PER2: variants seen among roughly 807,000 people sequenced by gnomAD.
The protein encoded by PER2 is period circadian regulator 2, also known as period circadian protein homolog 2.
Under a neutral mutation model 121.0 loss-of-function variants are expected in PER2, and 66 were observed. The observed-to-expected ratio is 0.55, with a 90% CI of 0.45 to 0.67. The LOEUF is 0.67. PER2 is among the 30% of genes least tolerant of loss of function. PER2 has a pLI of 0.00. For synonymous variants in PER2, 684 were observed against 659.9 expected (o/e 1.04, Z -0.56); for missense variants, 1,521 against 1,635.0 (o/e 0.93, Z 1.20).
chr2:238,273,511 T>C (rs1219079074), intron 4 of PER2, among the ~76,000 whole-genome samples: 1 of 152,032 alleles, frequency 6.6e-6, no homozygotes. Flanking sequence ...TTTTTTTTTT[T>C]TGAGATGGAG....
At chr2:238,261,187 G>A (rs1247058668) in intron 12 of PER2, among the ~76,000 whole-genome samples, 9 of 152,264 alleles carry the variant, frequency 5.9e-5, no homozygotes, top group Non-Finnish European at 1.0e-4. Flanking sequence ...CGGCACCAAA[G>A]GAATGTGTCC....
upstream of PER2, among the ~76,000 whole-genome samples, chr2:238,290,960 C>G (rs1473361723): frequency 6.6e-6 from 1 of 152,180 alleles, no homozygotes; most frequent in Non-Finnish European, 1.5e-5. Context: ...CTTGCTGAAC[C>G]AAGATGGTGA....
chr2:238,255,907 C>A lies in PER2; in HGVS notation c.2070G>T (p.Met690Ile). 1 of 1,614,228 alleles carries A rather than the reference C, an allele frequency of 6.2e-7. No individual in the cohort carries two copies. ...CTGGCCCACTCGCAGCATCTTCCAC[C>A]ATCTCTGTAACACAAGAACCCAGGG... ...GDKKPQPELEMVEDAASGPES... is the reference protein window; with the variant it reads ...GDKKPQPELEIVEDAASGPES... Residue 690 changes from methionine (M) to isoleucine (I), a missense_variant, in exon 18 of 23, where the codon ATG becomes ATT. Physicochemically the swap from Met to Ile is conservative, Grantham distance 10. Transcript: ENST00000254657.
chr2:238,250,356 C>T (rs777769411), intron 21 of PER2, among the ~76,000 whole-genome samples, 195 bp downstream of exon 21: 1 of 152,278 alleles, frequency 6.6e-6, no homozygotes, highest in Non-Finnish European at 1.5e-5. Flanking sequence ...CCTGGCCACA[C>T]TGCAGGGCCA....
chr2:238,262,373 G>T, intron 10 of PER2, 29 bp from the exon 11 acceptor site: 1 of 1,611,964 alleles, frequency 6.2e-7, no homozygotes, highest in South Asian at 1.1e-5. Context: ...GCATTCAGGG[G>T]AAAAGGGGAG....
Position 238,248,978 on chromosome 2 carries a change from C to T in PER2, c.3618+84G>A, listed in dbSNP as rs770866717. ...CCTAATTTTAGAAGTTTTAAATTGA[C>T]AGAAAAGTTGCAAAGACAGTACAGA... On this transcript the variant is annotated intron_variant, in intron 22 of 22. Transcript: ENST00000254657. The T allele has an allele frequency of 4.2e-6, 6 of 1,442,806 alleles. No individual in the cohort carries two copies. In the Admixed American group the frequency reaches 6.7e-5, roughly 16 times the overall value. The allele number at this position is 1,442,806 out of a possible 1,614,324, so 89.4% of individuals were successfully genotyped here. A position where few individuals can be genotyped will look rare whatever the true frequency, so the allele number is the denominator to read the frequency against.
At chr2:238,276,030 C>A (rs1696444921) in intron 3 of PER2, 133 bp from the exon 4 acceptor site, 8 of 616,456 alleles carry the variant, frequency 1.3e-5, no homozygotes, top group Non-Finnish European at 2.3e-5. Context: ...TTGTGGGGCT[C>A]TGTAGATTTT....
intron 13 of PER2, 76 bp downstream of exon 13, chr2:238,260,749 GGTT>G (rs1267658249): frequency 1.4e-5 from 21 of 1,540,384 alleles, no homozygotes; most frequent in Non-Finnish European, 1.7e-5. Context: ...AACTGCCAAA[GGTT>G]GTCTTGAGTG....
the PER2 span, among the ~76,000 whole-genome samples, chr2:238,296,817 C>A: frequency 6.6e-6 from 1 of 152,240 alleles, no homozygotes; most frequent in Non-Finnish European, 1.5e-5. Context: ...TAAACCCAGG[C>A]ATCCCCACCA....
chr2:238,258,151 C>T, intron 16 of PER2, 125 bp downstream of exon 16: 2 of 1,092,188 alleles, frequency 1.8e-6, no homozygotes, highest in South Asian at 1.3e-5. Context: ...TTTTGAACTA[C>T]TTTCATCATT....
Position 238,252,369 on chromosome 2 carries a change from T to A in PER2, c.3111+543A>T, listed in dbSNP as rs1695628977. Among the ~76,000 whole-genome samples the A allele has an allele frequency of 6.6e-6, 1 of 152,234 alleles. No individual in the cohort carries two copies. The highest frequency in any genetic ancestry group is 6.5e-5 in the Admixed American group (1 of 15,288). On this transcript the variant is annotated intron_variant, in intron 19 of 22. Coordinates refer to ENST00000254657, the MANE Select transcript of PER2 (RefSeq NM_022817.3). This position sits in a 1 kb window ranked among gnomAD's most constrained non-coding sequence, Gnocchi z 4.2. ...CACTGCTGCTGGCGTTCCCACACAC[T>A]TGAGCTCGTTCAGAAACACAAGCGT...
chr2:238,262,135 A>G, intron 11 of PER2, 56 bp downstream of exon 11: 1 of 1,543,836 alleles, frequency 6.5e-7, no homozygotes, highest in Non-Finnish European at 8.9e-7. Context: ...AGGTGAGGAC[A>G]GCCCGAGACC....
At chr2:238,292,978 C>T (rs1213019963), upstream of PER2, among the ~76,000 whole-genome samples, 6 of 151,418 alleles carry the variant, frequency 4.0e-5, no homozygotes, top group Middle Eastern at 3.4e-3. Flanking sequence ...CCTCGTGATC[C>T]GCCCGCCTCG....
In PER2 at chr2:238,275,866, T is replaced by C; in HGVS notation, c.325A>G (p.Lys109Glu). ...SDQSSKVDTH[K>E]ELIKTLKELK... is the part of the protein sequence containing the mutation. ...TCCTTTAGTGTTTTTATCAGTTCTT[T>C]GTGTGTGTCCACTTTCGAAGACTGG... is the stretch of plus-strand genomic sequence containing the variant. The change falls in exon 4 of 23, where the codon AAA becomes GAA. Residue 109 changes from lysine (K) to glutamate (E), a missense_variant. Physicochemically the swap from Lys to Glu is moderately conservative, Grantham distance 56. Coordinates refer to ENST00000254657, the MANE Select transcript of PER2 (RefSeq NM_022817.3). The C allele has an allele frequency of 6.2e-7, 1 of 1,614,256 alleles. No individual in the cohort carries two copies. Among genetic ancestry groups the C allele is most frequent in the Non-Finnish European group, 8.5e-7 (1 of 1,180,032 alleles).
chr2:238,251,194 G>C (rs1488537604), intron 20 of PER2, among the ~76,000 whole-genome samples: 1 of 152,242 alleles, frequency 6.6e-6, no homozygotes, highest in Non-Finnish European at 1.5e-5. Context: ...TTTGTGGAGA[G>C]TGTGTACATT....
chr2:238,268,789 T>C lies in PER2; in HGVS notation c.824+134A>G. ...ATTTAAAATGTAACTGACTGTGTTT[T>C]CTGGTAGACTTCAGAAACAGGCGTG... On this transcript the variant is annotated intron_variant, in intron 7 of 22. Transcript: ENST00000254657. The surrounding 1 kb of genome is among the most constrained non-coding windows in gnomAD (Gnocchi z 4.0). 1.4e-6 allele frequency: 1 copy of C among 719,180 alleles called. No individual in the cohort carries two copies. The highest frequency in any genetic ancestry group is 2.5e-6 in the Non-Finnish European group (1 of 397,680). 44.5% of individuals were successfully genotyped at this position (719,180 alleles called of 1,614,324 possible). A position where few individuals can be genotyped will look rare whatever the true frequency, so the allele number is the denominator to read the frequency against.
At chr2:238,274,654 C>T (rs988410261) in intron 4 of PER2, among the ~76,000 whole-genome samples, 1 of 152,240 alleles carries the variant, frequency 6.6e-6, no homozygotes, top group African/African-American at 2.4e-5. Context: ...CCTTTGGCTC[C>T]TCCTTCCGGA....
chr2:238,259,906 C>G, intron 14 of PER2, 63 bp downstream of exon 14: 815 of 721,528 alleles, frequency 1.1e-3, no homozygotes, highest in Non-Finnish European at 1.8e-3. Context: ...AACCCAGGTT[C>G]CCTCTTCTCA....
intron 22 of PER2, among the ~76,000 whole-genome samples, chr2:238,248,390 ATG>A (rs1297272033): frequency 2.0e-5 from 3 of 152,204 alleles, no homozygotes; most frequent in Non-Finnish European, 4.4e-5. Flanking sequence ...CTGGAAGGAC[ATG>A]TGCCTGAGAG....
Sources: gnomAD v4.1 joint callset for allele counts (sites outside exome capture counted in the v4.1 genomes callset) on GRCh38, gnomAD v4.1.1 for gene constraint, Gnocchi (gnomAD v3.1) non-coding constraint, MANE v1.5 for transcripts, NCBI Gene and HGNC (gene_info 2026-07-23, HGNC 2026-07-21) for gene names.